Variants in WDPCP observed in about 807,000 individuals in gnomAD.
The protein encoded by WDPCP is WD repeat-containing and planar cell polarity effector protein fritz homolog.
In WDPCP, 71 loss-of-function variants were observed where a neutral mutation model predicts 93.1. The ratio of observed to expected loss-of-function variants is 0.76; its 90% CI spans 0.63 to 0.93. The LOEUF is 0.93. Among genes scored for constraint, WDPCP ranks in the 40% least tolerant of loss-of-function variants. WDPCP has a pLI of 0.00. For synonymous variants in WDPCP, 315 were observed against 315.0 expected, an observed-to-expected ratio of 1.00 and a Z score of 0.00; for missense variants, 844 against 887.4, an observed-to-expected ratio of 0.95 and a Z score of 0.62.
At chr2:63,657,381 AT>A (rs1302892731) in intron 2 of WDPCP, among the ~76,000 whole-genome samples, 5 of 151,174 alleles carry the variant, frequency 3.3e-5, no homozygotes, top group Admixed American at 6.6e-5. Context: ...ATTTTTTTGT[AT>A]TTTTTAGTAG....
intron 12 of WDPCP, among the ~76,000 whole-genome samples, chr2:63,371,684 A>G (rs988797248): frequency 1.3e-5 from 2 of 150,914 alleles, no homozygotes; most frequent in Admixed American, 6.6e-5. Flanking sequence ...ACAAGCCTCC[A>G]CTCCTCCAAA....
rs188408421 is a variant in WDPCP, at chr2:63,646,122, T to G, written n.488+4537A>C. ...TCCCTTTAGTGAAGGTAATTTTCTCTAATGATATGATCTAGTTTCTTGCTT... is the reference window on the plus strand; with the variant it reads ...TCCCTTTAGTGAAGGTAATTTTCTCGAATGATATGATCTAGTTTCTTGCTT... On this transcript the variant is annotated intron_variant and non_coding_transcript_variant, in intron 3 of 4. Transcript: ENST00000467687. Among the ~76,000 whole-genome samples the G allele has an allele frequency of 6.6e-5, 10 of 152,328 alleles. No individual in the cohort carries two copies. The East Asian group carries it at 1.9e-3, about 29-fold the overall frequency.
chr2:63,575,439 G>GTATATATAC (rs1402088527), intron 1 of WDPCP, among the ~76,000 whole-genome samples: 3 of 91,994 alleles, frequency 3.3e-5, no homozygotes, highest in African/African-American at 1.1e-4. Context: ...TGTATATACA[G>GTATATATAC]TGTATACACT....
chr2:63,390,530 G>C (rs1360633410), intron 10 of WDPCP, among the ~76,000 whole-genome samples: 1 of 151,920 alleles, frequency 6.6e-6, no homozygotes, highest in Admixed American at 6.6e-5. Flanking sequence ...GCTAGCAGAA[G>C]GCAAGAAATA....
chr2:63,169,392 C>T (rs1167936543), intron 15 of WDPCP, among the ~76,000 whole-genome samples: 1 of 152,112 alleles, frequency 6.6e-6, no homozygotes, highest in Non-Finnish European at 1.5e-5. Flanking sequence ...TTTTGCCTTG[C>T]CTTATATTTT....
intron 10 of WDPCP, among the ~76,000 whole-genome samples, chr2:63,388,161 G>C (rs1434072032): frequency 1.3e-5 from 2 of 152,048 alleles, no homozygotes; most frequent in Admixed American, 6.6e-5. Flanking sequence ...GGCTGAATAG[G>C]AACAGCTCCA....
At chr2:63,810,262 A>G (rs1276208926) in intron 2 of WDPCP, among the ~76,000 whole-genome samples, 14 of 152,188 alleles carry the variant, frequency 9.2e-5, no homozygotes, top group Admixed American at 8.5e-4. Flanking sequence ...TATGTTGACT[A>G]CTTTCAAATA....
intron 12 of WDPCP, among the ~76,000 whole-genome samples, chr2:63,345,223 A>T (rs1167258176): frequency 6.6e-6 from 1 of 152,164 alleles, no homozygotes. Context: ...CTGCATTCTG[A>T]AGTTTATCAC....
At chr2:63,498,585 C>G (rs1701364319) in intron 1 of WDPCP, among the ~76,000 whole-genome samples, 2 of 152,140 alleles carry the variant, frequency 1.3e-5, no homozygotes, top group South Asian at 4.1e-4. Flanking sequence ...CACTACTATA[C>G]TGTTGATAAT....
intron 1 of WDPCP, among the ~76,000 whole-genome samples, chr2:63,520,210 C>A (rs1164537898): frequency 6.6e-6 from 1 of 152,098 alleles, no homozygotes; most frequent in Non-Finnish European, 1.5e-5. Context: ...AAAGAATGAA[C>A]AAAACCTCCA....
At chr2:63,664,095 G>A (rs564328025) in intron 2 of WDPCP, among the ~76,000 whole-genome samples, 2 of 152,290 alleles carry the variant, frequency 1.3e-5, no homozygotes, top group African/African-American at 2.4e-5. Flanking sequence ...TTTAGAACAT[G>A]CAGATAGAGA....
At chr2:63,522,499 C>T (rs1575576363) in intron 1 of WDPCP, among the ~76,000 whole-genome samples, 1 of 146,912 alleles carries the variant, frequency 6.8e-6, no homozygotes, top group East Asian at 2.0e-4. Flanking sequence ...CACACACAAA[C>T]ATACAAAAGA....
intron 2 of WDPCP, among the ~76,000 whole-genome samples, chr2:63,666,667 C>A (rs1323691133): frequency 1.3e-5 from 2 of 152,194 alleles, no homozygotes; most frequent in Non-Finnish European, 2.9e-5. Flanking sequence ...TTTGAAGTTC[C>A]TGCTATGGCC....
Position 63,447,417 on chromosome 2 carries a change from C to T in WDPCP, c.385-7546G>A, listed in dbSNP as rs544684017. 2.4e-4 allele frequency among the ~76,000 whole-genome samples: 36 copies of T among 152,100 alleles called. No individual in the cohort carries two copies. The East Asian group carries it at 5.6e-3, about 24-fold the overall frequency. On this transcript the variant is annotated intron_variant, in intron 6 of 17. Transcript: ENST00000272321. Reference sequence around the variant, plus strand: ...CTATAAAAATTTTCAAAAAAGGGAACGCTTAAAATATCTGGCCACAAATAT... The same window carrying T: ...CTATAAAAATTTTCAAAAAAGGGAATGCTTAAAATATCTGGCCACAAATAT...
At chr2:63,823,339 CT>C (rs1341582649) in intron 1 of WDPCP, among the ~76,000 whole-genome samples, 2 of 151,974 alleles carry the variant, frequency 1.3e-5, no homozygotes, top group East Asian at 3.9e-4. Context: ...TACCCCGTCT[CT>C]ACTAAAAATA....
chr2:63,517,353 G>T (rs1383401897), intron 1 of WDPCP, among the ~76,000 whole-genome samples: 1 of 151,840 alleles, frequency 6.6e-6, no homozygotes, highest in Non-Finnish European at 1.5e-5. Flanking sequence ...CCTTATACTG[G>T]CTTATATACC....
At chr2:63,226,544 C>G (rs1317353987) in intron 14 of WDPCP, among the ~76,000 whole-genome samples, 1 of 151,732 alleles carries the variant, frequency 6.6e-6, no homozygotes, top group African/African-American at 2.4e-5. Flanking sequence ...GTTATAAAAA[C>G]CTAGCATGCA....
intron 12 of WDPCP, among the ~76,000 whole-genome samples, chr2:63,365,695 A>G (rs1223843373): frequency 1.2e-4 from 18 of 152,188 alleles, no homozygotes; most frequent in Non-Finnish European, 1.8e-4. Context: ...CTATGCAGAC[A>G]TTAGACAACT....
chr2:63,256,805 A>G (rs1458183530), intron 14 of WDPCP, among the ~76,000 whole-genome samples: 1 of 152,192 alleles, frequency 6.6e-6, no homozygotes, highest in East Asian at 1.9e-4. Flanking sequence ...TCAGATTCAT[A>G]ATGTTGAATA....
Sources: allele counts gnomAD v4.1 joint callset (sites outside exome capture counted in the v4.1 genomes callset), GRCh38; gene constraint gnomAD v4.1.1; transcripts MANE v1.5; gene names NCBI Gene and HGNC (gene_info 2026-07-23, HGNC 2026-07-21).